The following KRTAP26-1 variants were observed in gnomAD, a reference collection of about 807,000 sequenced individuals.
The protein encoded by KRTAP26-1 is keratin associated protein 26-1.
For synonymous variants in KRTAP26-1, 111 were observed against 103.3 expected (o/e 1.07, Z -0.45); for missense variants, 273 against 260.9 (o/e 1.05, Z -0.32).
Position 30,319,737 on chromosome 21 carries a change from G to T in KRTAP26-1, c.299C>A (p.Ala100Asp). Residue 100 changes from alanine to aspartate, a missense_variant, in exon 1 of 1, where the codon GCT (alanine) becomes GAT (aspartate). Physicochemically the swap from Ala to Asp is moderately radical, Grantham distance 126 (BLOSUM62 -2). Coordinates refer to ENST00000360542, the MANE Select transcript of KRTAP26-1 (RefSeq NM_203405.2). Reference sequence around the variant, plus strand: ...AAGGCAGGAACTGGAGAAGAAAGAAGCAGGAAGAAAACTGCTTCCTTGGCA... The same window carrying T: ...AAGGCAGGAACTGGAGAAGAAAGAATCAGGAAGAAAACTGCTTCCTTGGCA... ...RPCQGSSFLPASFFSSSCLPV... is the reference protein window; with the variant it reads ...RPCQGSSFLPDSFFSSSCLPV... 9 of 1,614,058 alleles carry T rather than the reference G, an allele frequency of 5.6e-6. No homozygotes were observed. The highest frequency in any genetic ancestry group is 7.6e-6 in the Non-Finnish European group (9 of 1,179,994).
Position 30,320,044 on chromosome 21 carries a change from T to C in KRTAP26-1, c.-9A>G. ...TAGTTGGGGCAAGACATAGTGAGGT[T>C]GTGAGAGCAGGCTGAAGTTGAGGCA... On this transcript the variant is annotated 5_prime_UTR_variant, in exon 1 of 1. Transcript: ENST00000360542. The C allele has an allele frequency of 1.3e-6, 2 of 1,566,146 alleles. No individual in the cohort carries two copies. The highest frequency in any genetic ancestry group is 2.3e-5 in the East Asian group (1 of 44,098).
At position 30,320,093 on chromosome 21, in the gene KRTAP26-1, T is replaced by A; in HGVS notation, c.-58A>T. ...CAAAGAAGTGAGTGTCTGAAGTTTG[T>A]TCTGCCCTTCCTTAGCTTGACCCTT... On this transcript the variant is annotated 5_prime_UTR_variant, in exon 1 of 1. Transcript: ENST00000360542. 7.1e-7 allele frequency: 1 copy of A among 1,405,372 alleles called. No individual in the cohort carries two copies. The highest frequency in any genetic ancestry group is 1.4e-5 in the South Asian group (1 of 69,606). The allele number at this position is 1,405,372 out of a possible 1,614,324, so 87.1% of individuals were successfully genotyped here.
rs1238426384 is a variant in KRTAP26-1 at position 30,320,215 on chromosome 21, C to G, written c.-180G>C. 5.7e-6 allele frequency: 3 copies of G among 528,604 alleles called. No homozygotes were observed. In the East Asian group the frequency reaches 8.8e-5, roughly 15 times the overall value. 32.7% of individuals were successfully genotyped at this position (528,604 alleles called of 1,614,324 possible). A position where few individuals can be genotyped will look rare whatever the true frequency, so the allele number is the denominator to read the frequency against. On this transcript the variant is annotated 5_prime_UTR_variant, in exon 1 of 1. Coordinates refer to ENST00000360542, the MANE Select transcript of KRTAP26-1 (RefSeq NM_203405.2). ...CTTTATTATAGCCAAGGAAGTGAGG[C>G]TTCCACCCTCCATAAAACTGGATGC... is the stretch of plus-strand genomic sequence containing the variant.
rs375749302 is a variant in KRTAP26-1, at chr21:30,320,022, T to C, written c.14A>G (p.Asn5Ser). The change falls in exon 1 of 1, where the codon AAC becomes AGC. Residue 5 changes from asparagine to serine, a missense_variant. Transcript: ENST00000360542. Reference protein sequence around the residue: MSCPNYCSGNSNSGS... With the variant: MSCPSYCSGNSNSGS... ...TGAGTTGGAGTTTCCCGAGCAGTAG[T>C]TGGGGCAAGACATAGTGAGGTTGTG... The C allele has an allele frequency of 1.1e-5, 17 of 1,600,268 alleles. No homozygotes were observed. Among genetic ancestry groups the C allele is most frequent in the African/African-American group, 8.0e-5 (6 of 74,776 alleles).
Position 30,320,040 on chromosome 21 carries a change from A to G in KRTAP26-1, c.-5T>C. The G allele has an allele frequency of 6.4e-7, 1 of 1,569,520 alleles. No individual in the cohort carries two copies. Among genetic ancestry groups the G allele is most frequent in the Non-Finnish European group, 8.7e-7 (1 of 1,155,602 alleles). On this transcript the variant is annotated 5_prime_UTR_variant, in exon 1 of 1. Coordinates refer to ENST00000360542, the MANE Select transcript of KRTAP26-1 (RefSeq NM_203405.2). ...GCAGTAGTTGGGGCAAGACATAGTG[A>G]GGTTGTGAGAGCAGGCTGAAGTTGA... is the stretch of plus-strand genomic sequence containing the variant.
Sources: gnomAD v4.1 joint callset for allele counts on GRCh38, gnomAD v4.1.1 for gene constraint, MANE v1.5 for transcripts, NCBI Gene and HGNC (gene_info 2026-07-23, HGNC 2026-07-21) for gene names.